R3HDM1: variants seen among roughly 807,000 people sequenced by gnomAD.
The protein encoded by R3HDM1 is R3H domain-containing protein 1.
R3HDM1 carries 46 observed loss-of-function variants against 141.1 expected under a neutral mutation model. That is an observed-to-expected ratio of 0.33 (90% CI 0.26 to 0.42). The LOEUF (loss-of-function observed/expected upper bound fraction) is 0.42, where lower values mean the gene tolerates loss of function less well. R3HDM1 is among the 10% of genes least tolerant of loss of function. The pLI is 1.00. For missense variants in R3HDM1, 1,184 were observed against 1,368.3 expected (o/e 0.87, Z 2.12); for synonymous variants, 435 against 472.9 (o/e 0.92, Z 1.04).
intron 15 of R3HDM1, among the ~76,000 whole-genome samples, chr2:135,644,906 AC>A (rs2064222921): frequency 6.6e-6 from 1 of 151,946 alleles, no homozygotes; most frequent in Non-Finnish European, 1.5e-5. Context: ...AAGTAGGGAA[AC>A]CCCATCTCTA....
chr2:135,619,797 G>GA (rs2061378416), intron 5 of R3HDM1: 2 of 840,476 alleles, frequency 2.4e-6, no homozygotes, highest in Admixed American at 1.2e-4. Context: ...TCAAAAAGTT[G>GA]AGAGGCAATT....
At chr2:135,621,715 A>G (rs1471494440) in intron 6 of R3HDM1, 107 bp downstream of exon 6, 63 of 1,346,044 alleles carry the variant, frequency 4.7e-5, no homozygotes, top group Non-Finnish European at 5.8e-5. Flanking sequence ...AAAATGACAC[A>G]GAACAGACTG....
chr2:135,572,315 T>C (rs555566651), intron 1 of R3HDM1, among the ~76,000 whole-genome samples: 1 of 152,302 alleles, frequency 6.6e-6, no homozygotes, highest in East Asian at 1.9e-4. Flanking sequence ...TAAGGAGCTC[T>C]TATGACTCAA....
intron 21 of R3HDM1, among the ~76,000 whole-genome samples, chr2:135,683,619 T>C (rs987301226): frequency 7.9e-5 from 12 of 151,872 alleles, no homozygotes; most frequent in Non-Finnish European, 1.6e-4. Context: ...AATTAACTGA[T>C]TAATTTTTTA....
At chr2:135,714,699 A>G (rs2075983799) in intron 23 of R3HDM1, among the ~76,000 whole-genome samples, 2 of 152,084 alleles carry the variant, frequency 1.3e-5, no homozygotes, top group South Asian at 4.1e-4. Flanking sequence ...AAGGAATATC[A>G]TGTGAAATTC....
chr2:135,710,894 A>G (rs2075550673), intron 23 of R3HDM1, among the ~76,000 whole-genome samples: 1 of 152,236 alleles, frequency 6.6e-6, no homozygotes, highest in Non-Finnish European at 1.5e-5. Context: ...TAGAATTAGA[A>G]AATTGCCAGA....
At position 135,706,577 on chromosome 2, in the gene R3HDM1, C is replaced by T. The variant is rs560985240; in HGVS notation, c.2460-2856C>T. Among the ~76,000 whole-genome samples, 17 of 152,164 alleles carry T rather than the reference C, an allele frequency of 1.1e-4. No homozygotes were observed. In the East Asian group the frequency reaches 2.7e-3, roughly 24 times the overall value. ...ACTTGAGATTAGGGAGTGGTGATGA[C>T]TCTTAACGAGCCTGCTGCCTTCAAG... On this transcript the variant is annotated intron_variant, in intron 21 of 26. Coordinates refer to ENST00000683871, the MANE Select transcript of R3HDM1 (RefSeq NM_001378107.1).
At chr2:135,636,265 G>C (rs2105231599) in intron 11 of R3HDM1, 82 bp downstream of exon 11, 1 of 1,485,768 alleles carries the variant, frequency 6.7e-7, no homozygotes, top group Middle Eastern at 2.2e-4. Flanking sequence ...TTTATCTATT[G>C]ATCACATTTA....
intron 21 of R3HDM1, among the ~76,000 whole-genome samples, chr2:135,687,860 G>A (rs1342073641): frequency 6.6e-6 from 1 of 152,228 alleles, no homozygotes; most frequent in South Asian, 2.1e-4. Flanking sequence ...ACACTCAGCT[G>A]AGAAATGAAA....
chr2:135,555,614 A>G (rs1573743579), intron 1 of R3HDM1, among the ~76,000 whole-genome samples: 1 of 152,340 alleles, frequency 6.6e-6, no homozygotes, highest in African/African-American at 2.4e-5. Context: ...CTGTACACCA[A>G]CGTTTATAGC....
chr2:135,548,018 C>T lies in R3HDM1; in HGVS notation c.-250+16385C>T, dbSNP rs542016349. ...CGATCTCCTGACCTCGTGATCCACCCGCCTTAGCCTCCTAAAGTGCTAGGA... is the reference window on the plus strand; with the variant it reads ...CGATCTCCTGACCTCGTGATCCACCTGCCTTAGCCTCCTAAAGTGCTAGGA... On this transcript the variant is annotated intron_variant, in intron 1 of 26. Coordinates refer to ENST00000683871, the MANE Select transcript of R3HDM1 (RefSeq NM_001378107.1). Among the ~76,000 whole-genome samples, 261 of 152,194 alleles carry T rather than the reference C, an allele frequency of 1.7e-3. 5 individuals carry two copies. Among genetic ancestry groups the T allele is most frequent in the African/African-American group, 5.8e-3 (242 of 41,516 alleles).
At chr2:135,572,542 T>C (rs1257805350) in intron 1 of R3HDM1, among the ~76,000 whole-genome samples, 1 of 152,086 alleles carries the variant, frequency 6.6e-6, no homozygotes, top group African/African-American at 2.4e-5. Flanking sequence ...CACACAAGAA[T>C]TGGTAAGGAT....
chr2:135,532,434 CTT>C lies in R3HDM1; in HGVS notation c.-250+802_-250+803del, dbSNP rs367587759. On this transcript the variant is annotated intron_variant, in intron 1 of 26. Transcript: ENST00000683871. ...TGTTGAGCTTGTTTTTATAAAGAAA[CTT>C]AAATTATTGGGACTATCATGCTCCG... Among the ~76,000 whole-genome samples, 41 of 152,174 alleles carry C rather than the reference CTT, an allele frequency of 2.7e-4. 1 individual carries two copies. The East Asian group carries it at 5.8e-3, about 21-fold the overall frequency.
At chr2:135,710,589 G>T (rs1559495302) in intron 23 of R3HDM1, among the ~76,000 whole-genome samples, 1 of 152,136 alleles carries the variant, frequency 6.6e-6, no homozygotes, top group Non-Finnish European at 1.5e-5. Context: ...AGTGGAGGTT[G>T]TAGTGAGCCA....
intron 7 of R3HDM1, among the ~76,000 whole-genome samples, chr2:135,624,920 C>T (rs1345250110): frequency 6.6e-6 from 1 of 152,126 alleles, no homozygotes; most frequent in African/African-American, 2.4e-5. Flanking sequence ...AACAGAAAGG[C>T]CAAGTACTAA....
intron 1 of R3HDM1, among the ~76,000 whole-genome samples, chr2:135,575,824 C>T (rs1363807078): frequency 6.6e-6 from 1 of 152,122 alleles, no homozygotes; most frequent in Non-Finnish European, 1.5e-5. Context: ...TCCTTAATTT[C>T]TGAAATTAAT....
In R3HDM1 at chr2:135,588,034, A is replaced by ATC. The variant is rs138410736; in HGVS notation, c.-249-14450_-249-14449dup. Reference sequence around the variant, plus strand: ...TCCCTTTCTGACTAAATCTATCTTAATCTCTCTCTCTCTCTCTTTTATCTT... The same window carrying ATC: ...TCCCTTTCTGACTAAATCTATCTTAATCTCTCTCTCTCTCTCTCTTTTATCTT... On this transcript the variant is annotated intron_variant, in intron 1 of 26. Coordinates refer to ENST00000683871, the MANE Select transcript of R3HDM1 (RefSeq NM_001378107.1). 1.8e-4 allele frequency among the ~76,000 whole-genome samples: 26 copies of ATC among 145,280 alleles called. No individual in the cohort carries two copies. The East Asian group carries it at 2.2e-3, about 13-fold the overall frequency.
At chr2:135,706,740 A>G (rs2074977511) in intron 21 of R3HDM1, among the ~76,000 whole-genome samples, 1 of 152,260 alleles carries the variant, frequency 6.6e-6, no homozygotes, top group Admixed American at 6.5e-5. Context: ...AATTTTTCTT[A>G]GTATAGAACA....
chr2:135,624,167 G>A (rs573906970), intron 7 of R3HDM1, among the ~76,000 whole-genome samples: 6 of 152,250 alleles, frequency 3.9e-5, no homozygotes, highest in South Asian at 4.1e-4. Context: ...AGGCCGAGGC[G>A]GGTGGATCAC....
Sources: allele counts gnomAD v4.1 joint callset (sites outside exome capture counted in the v4.1 genomes callset), GRCh38; gene constraint gnomAD v4.1.1; transcripts MANE v1.5; gene names NCBI Gene and HGNC (gene_info 2026-07-23, HGNC 2026-07-21).